Variants in SYNE2 observed in about 807,000 individuals in gnomAD.
The protein encoded by SYNE2 is nesprin-2.
Under a neutral mutation model 856.3 loss-of-function variants are expected in SYNE2, and 431 were observed. The ratio of observed to expected loss-of-function variants is 0.50; its 90% CI spans 0.47 to 0.55. The LOEUF (loss-of-function observed/expected upper bound fraction) is 0.55, where lower values mean the gene tolerates loss of function less well. SYNE2 is among the 20% of genes least tolerant of loss of function. The pLI is 0.00. For synonymous variants in SYNE2, 2,923 were observed against 2,872.3 expected (o/e 1.02, Z -0.56); for missense variants, 8,129 against 8,023.2 (o/e 1.01, Z -0.50).
At chr14:63,902,685 C>G (rs993958198) in intron 1 of SYNE2, among the ~76,000 whole-genome samples, 1 of 151,652 alleles carries the variant, frequency 6.6e-6, no homozygotes, top group African/African-American at 2.4e-5. Flanking sequence ...CTCTTTCTTT[C>G]CTTTTTGTTT....
rs570154928 is a variant in SYNE2 at position 64,082,716 on chromosome 14, C to T, written c.11484+1136C>T. Among the ~76,000 whole-genome samples, 241 of 152,338 alleles carry T rather than the reference C, an allele frequency of 1.6e-3. 1 individual carries two copies. The highest frequency in any genetic ancestry group is 2.9e-3 in the Non-Finnish European group (197 of 68,030). ...TATGCCTGGACTCCTTACCCTTGGACACTGTGAGATAACTTTGTTTTGTTT... is the reference window on the plus strand; with the variant it reads ...TATGCCTGGACTCCTTACCCTTGGATACTGTGAGATAACTTTGTTTTGTTT... On this transcript the variant is annotated intron_variant, in intron 57 of 115. Coordinates refer to ENST00000555002, the MANE Select transcript of SYNE2 (RefSeq NM_182914.3).
At chr14:64,040,558 A>G (rs1443232786) in intron 45 of SYNE2, among the ~76,000 whole-genome samples, 5 of 150,174 alleles carry the variant, frequency 3.3e-5, no homozygotes, top group Non-Finnish European at 7.4e-5. Context: ...TCCAACATCT[A>G]TAAAGAGACA....
chr14:64,095,131 G>A (rs986113712), intron 61 of SYNE2: 14 of 170,364 alleles, frequency 8.2e-5, no homozygotes, highest in African/African-American at 3.4e-4. Context: ...ACAGATGTGG[G>A]TGCTGCAAAT....
At chr14:64,107,346 C>A in intron 64 of SYNE2, 145 bp from the exon 65 acceptor site, 1 of 747,316 alleles carries the variant, frequency 1.3e-6, no homozygotes, top group South Asian at 1.6e-5. Context: ...CCCTAATGAA[C>A]AAACTTTTTT....
chr14:63,980,881 A>G (rs2096580569), intron 15 of SYNE2, 105 bp from the exon 16 acceptor site: 4 of 1,040,266 alleles, frequency 3.8e-6, no homozygotes, highest in Non-Finnish European at 5.7e-6. Flanking sequence ...ATATTGTCAG[A>G]GTACATATTA....
In SYNE2 at chr14:64,052,967, C is replaced by A. The variant is rs756127805; in HGVS notation, c.9054C>A (p.Asp3018Glu). 1 of 1,610,290 alleles carries A rather than the reference C, an allele frequency of 6.2e-7. No homozygotes were observed. The highest frequency in any genetic ancestry group is 8.5e-7 in the Non-Finnish European group (1 of 1,179,188). Residue 3018 changes from aspartate (D) to glutamate (E), a missense_variant, in exon 48 of 116, where the codon GAC becomes GAA. Coordinates refer to ENST00000555002, the MANE Select transcript of SYNE2 (RefSeq NM_182914.3). ...TAAACTGGGATTTTTCACAACTTGA[C>A]CAATTACAAACCCAAGTATTTGAAA... ...IGLNWDFSQL[D>E]QLQTQVFEKE... is the part of the protein sequence containing the mutation.
At position 64,087,711 on chromosome 14, in the gene SYNE2, A is replaced by G; in HGVS notation, c.11525A>G (p.His3842Arg). The G allele has an allele frequency of 2.5e-6, 4 of 1,614,172 alleles. No homozygotes were observed. Among genetic ancestry groups the G allele is most frequent in the Non-Finnish European group, 3.4e-6 (4 of 1,180,010 alleles). The change falls in exon 58 of 116, where the codon CAT becomes CGT. Residue 3842 changes from histidine (H) to arginine (R), a missense_variant. Physicochemically the swap from His to Arg is conservative, Grantham distance 29. This residue lies in a region of SYNE2 where 5,410 missense variants were observed against 5,284.8 expected (regional missense o/e 1.02). Transcript: ENST00000555002. Reference sequence around the variant, plus strand: ...TCAGAACAGAAGCACAATCTTTTACATTCAATCTTTATGGATCTAGAAGAC... The same window carrying G: ...TCAGAACAGAAGCACAATCTTTTACGTTCAATCTTTATGGATCTAGAAGAC... ...EDSEQKHNLLHSIFMDLEDLS... is the reference protein window; with the variant it reads ...EDSEQKHNLLRSIFMDLEDLS...
chr14:64,222,834 A>G (rs2098701189), intron 112 of SYNE2, among the ~76,000 whole-genome samples: 1 of 152,182 alleles, frequency 6.6e-6, no homozygotes, highest in Non-Finnish European at 1.5e-5. Context: ...CTCTATGGTT[A>G]CGCTGCTGTT....
chr14:63,983,946 TA>T (rs1452421146), intron 18 of SYNE2, 60 bp downstream of exon 18: 86 of 1,308,132 alleles, frequency 6.6e-5, no homozygotes, highest in Admixed American at 8.3e-5. Flanking sequence ...ACTTTGCTAT[TA>T]AAAAAAAGAT....
At chr14:64,038,285 G>GT in intron 45 of SYNE2, among the ~76,000 whole-genome samples, 2 of 150,600 alleles carry the variant, frequency 1.3e-5, no homozygotes, top group Non-Finnish European at 1.5e-5. Context: ...AGATGGGATG[G>GT]GGGCCGGGAA....
At chr14:63,801,265 G>A (rs1368291836) in intron 1 of SYNE2, among the ~76,000 whole-genome samples, 1 of 152,144 alleles carries the variant, frequency 6.6e-6, no homozygotes, top group Non-Finnish European at 1.5e-5. Flanking sequence ...ACGGTGCAGT[G>A]TATACTGCTT....
At chr14:63,780,421 C>A (rs751326565) in intron 1 of SYNE2, among the ~76,000 whole-genome samples, 9 of 152,138 alleles carry the variant, frequency 5.9e-5, no homozygotes, top group Non-Finnish European at 1.2e-4. Context: ...GTAATCCCAG[C>A]TGCTTGGGAG....
At chr14:63,981,629 G>A (rs1043869812) in intron 16 of SYNE2, among the ~76,000 whole-genome samples, 12 of 152,204 alleles carry the variant, frequency 7.9e-5, no homozygotes, top group East Asian at 5.8e-4. Flanking sequence ...TCAAGATACC[G>A]TAACTTATGT....
At chr14:64,092,630 A>G (rs890238298) in intron 60 of SYNE2, among the ~76,000 whole-genome samples, 2 of 152,224 alleles carry the variant, frequency 1.3e-5, no homozygotes, top group African/African-American at 4.8e-5. Flanking sequence ...TTGCTTCATT[A>G]TGTAGCATAC....
chr14:64,080,712 C>A, intron 56 of SYNE2, 74 bp downstream of exon 56: 1 of 1,549,896 alleles, frequency 6.5e-7, no homozygotes, highest in Non-Finnish European at 8.9e-7. Context: ...ACAATATATT[C>A]AGAAACAGTC....
At chr14:64,000,263 G>T (rs562184870) in intron 27 of SYNE2, among the ~76,000 whole-genome samples, 1 of 152,294 alleles carries the variant, frequency 6.6e-6, no homozygotes, top group South Asian at 2.1e-4. Flanking sequence ...TTACATGTAT[G>T]TATTTTTCTG....
intron 19 of SYNE2, among the ~76,000 whole-genome samples, chr14:63,988,957 G>T (rs1342973555): frequency 6.6e-6 from 1 of 152,182 alleles, no homozygotes; most frequent in Non-Finnish European, 1.5e-5. Flanking sequence ...ATATCACCAT[G>T]CCACTGTGAG....
At chr14:63,887,996 G>T (rs866729237) in intron 1 of SYNE2, among the ~76,000 whole-genome samples, 2 of 151,994 alleles carry the variant, frequency 1.3e-5, no homozygotes, top group African/African-American at 4.8e-5. Context: ...CAAGTGATCT[G>T]CCCGCCTTGG....
At position 64,026,579 on chromosome 14, in the gene SYNE2, G is replaced by A. The variant is rs189906628; in HGVS notation, c.6253G>A (p.Glu2085Lys). ...PLEERIQKIKEIILLKPEGDA... is the reference protein window; with the variant it reads ...PLEERIQKIKKIILLKPEGDA... ...ATAAAATCTCTTTTATTTAATTCAG[G>A]AAATCATTTTGCTGAAGCCTGAAGG... Residue 2085 changes from glutamate (E) to lysine (K), a missense_variant and splice_region_variant, in exon 42 of 116, where the codon GAA becomes AAA. Glu to Lys is a moderately conservative substitution (Grantham distance 56). This residue lies in a region of SYNE2 where 297 missense variants were observed against 380.9 expected (regional missense o/e 0.78). Coordinates refer to ENST00000555002, the MANE Select transcript of SYNE2 (RefSeq NM_182914.3). 6 of 1,611,690 alleles carry A rather than the reference G, an allele frequency of 3.7e-6. No homozygotes were observed. In the African/African-American group the frequency reaches 6.7e-5, roughly 18 times the overall value.
Sources: gnomAD v4.1 joint callset for allele counts (sites outside exome capture counted in the v4.1 genomes callset) on GRCh38, gnomAD v4.1.1 for gene constraint, gnomAD v4.1.1 regional missense constraint, MANE v1.5 for transcripts, NCBI Gene and HGNC (gene_info 2026-07-23, HGNC 2026-07-21) for gene names.